The following MIDEAS variants were observed in gnomAD, a reference collection of about 807,000 sequenced individuals.
MIDEAS encodes mitotic deacetylase associated SANT domain protein.
A neutral mutation model predicts 102.7 loss-of-function variants in MIDEAS; 26 were observed. The ratio of observed to expected loss-of-function variants is 0.25; its 90% CI spans 0.19 to 0.35. MIDEAS has a LOEUF of 0.35. Ranked by LOEUF, MIDEAS falls within the 10% of genes least tolerant of loss-of-function variation. MIDEAS has a pLI of 1.00. For missense variants in MIDEAS, 1,231 were observed against 1,435.6 expected (o/e 0.86, Z 2.30); for synonymous variants, 585 against 591.0 (o/e 0.99, Z 0.15).
intron 3 of MIDEAS, among the ~76,000 whole-genome samples, chr14:73,733,272 C>T (rs2053161764): frequency 6.6e-6 from 1 of 152,018 alleles, no homozygotes; most frequent in South Asian, 2.1e-4. Flanking sequence ...AGCTTCAAAT[C>T]ATCTCATTTC....
Position 73,739,364 on chromosome 14 carries a change from T to C in MIDEAS, c.645A>G (p.Gln215=), listed in dbSNP as rs761922092. 12 of 1,596,368 alleles carry C rather than the reference T, an allele frequency of 7.5e-6. No homozygotes were observed. The highest frequency in any genetic ancestry group is 1.0e-5 in the Non-Finnish European group (12 of 1,169,844). Residue 215 remains glutamine (Q), a synonymous_variant, in exon 2 of 13, where the codon CAA becomes CAG. Transcript: ENST00000423556. ...KKPPNQSLPL[Q]PFQLAFGHQV... ...GGTGGCCGAATGCCAGCTGGAAGGG[T>C]TGCAGGGGCAGTGACTGGTTTGGGG...
chr14:73,789,429 A>T (rs1277227091), upstream of MIDEAS, among the ~76,000 whole-genome samples: 1 of 152,072 alleles, frequency 6.6e-6, no homozygotes, highest in Admixed American at 6.5e-5. Flanking sequence ...TTCAGATAAG[A>T]CCTTCAACCC....
intron 3 of MIDEAS, among the ~76,000 whole-genome samples, chr14:73,731,485 A>C (rs1021044864): frequency 6.6e-5 from 10 of 152,262 alleles, no homozygotes; most frequent in Non-Finnish European, 8.8e-5. Context: ...AAAAAAAAAA[A>C]AATGCAGGAG....
chr14:73,732,954 T>A (rs1164391898), intron 3 of MIDEAS, among the ~76,000 whole-genome samples: 2 of 148,032 alleles, frequency 1.4e-5, no homozygotes, highest in Non-Finnish European at 2.9e-5. Flanking sequence ...TAGCTGGGTG[T>A]GGTGGTGGGC....
chr14:73,738,973 A>T lies in MIDEAS; in HGVS notation c.1036T>A (p.Ser346Thr). The T allele has an allele frequency of 6.5e-7, 1 of 1,531,464 alleles. No homozygotes were observed. Among genetic ancestry groups the T allele is most frequent in the Non-Finnish European group, 8.8e-7 (1 of 1,140,780 alleles). The allele number at this position is 1,531,464 out of a possible 1,614,324, so 94.9% of individuals were successfully genotyped here. The change falls in exon 2 of 13, where the codon TCC becomes ACC. Residue 346 changes from serine (S) to threonine (T), a missense_variant. By Grantham distance (58) the Ser-to-Thr change is moderately conservative. Transcript: ENST00000423556. ...PQVQIPFPRR[S>T]RRLSKEGILP... The stretch of plus-strand genomic sequence containing the variant: ...ATACCCTCCTTAGAGAGGCGGCGGG[A>T]GCGGCGGGGGAAGGGGATCTGGACC...
At chr14:73,768,511 CT>C (rs59819061) in intron 1 of MIDEAS, among the ~76,000 whole-genome samples, 9,553 of 137,256 alleles carry the variant, frequency 0.07, 283 homozygotes, top group African/African-American at 0.18. Context: ...TTATTGCCAA[CT>C]TTTTTTTTTT....
In MIDEAS at chr14:73,729,937, G is replaced by A; in HGVS notation, c.1798C>T (p.Pro600Ser). The A allele has an allele frequency of 6.2e-7, 1 of 1,604,222 alleles. No individual in the cohort carries two copies. The highest frequency in any genetic ancestry group is 1.1e-5 in the South Asian group (1 of 90,324). The change falls in exon 4 of 13, where the codon CCA becomes TCA. Residue 600 changes from proline (P) to serine (S), a missense_variant. Physicochemically the swap from Pro to Ser is moderately conservative, Grantham distance 74 (BLOSUM62 -1). Transcript: ENST00000423556. ...KLEGEPSVRK[P>S]KQRPRPEPLI... ...GGCTCGGGCCTGGGCCGCTGCTTTG[G>A]TTTCCGCACGGAAGGCTCCCCCTCC...
intron 1 of MIDEAS, among the ~76,000 whole-genome samples, chr14:73,750,771 G>A (rs2053409619): frequency 6.6e-6 from 1 of 152,214 alleles, no homozygotes; most frequent in Admixed American, 6.5e-5. Flanking sequence ...CTCGTCCGAG[G>A]ACACACAGCC....
At position 73,722,729 on chromosome 14, in the gene MIDEAS, G is replaced by A. The variant is rs547341348; in HGVS notation, c.2693C>T (p.Ser898Leu). 2.4e-5 allele frequency: 39 copies of A among 1,614,094 alleles called. No homozygotes were observed. The highest frequency in any genetic ancestry group is 4.4e-5 in the South Asian group (4 of 91,066). The change falls in exon 10 of 13, where the codon TCG becomes TTG. Residue 898 changes from serine (S) to leucine (L), a missense_variant. Coordinates refer to ENST00000423556, the MANE Select transcript of MIDEAS (RefSeq NM_001367710.1). ...FGDVDTSDEKSAQEEVEVDIK... is the reference protein window; with the variant it reads ...FGDVDTSDEKLAQEEVEVDIK... ...ATCCACTTCAACCTCTTCCTGGGCC[G>A]ACTTCTCATCGCTCGTATCCACATC... is the stretch of plus-strand genomic sequence containing the variant.
At chr14:73,750,900 C>T (rs952072867) in intron 1 of MIDEAS, among the ~76,000 whole-genome samples, 1 of 152,270 alleles carries the variant, frequency 6.6e-6, no homozygotes, top group African/African-American at 2.4e-5. Context: ...ATCACACAAA[C>T]AAGGCTTCAT....
At position 73,742,982 on chromosome 14, in the gene MIDEAS, G is replaced by A. The variant is rs1020584938; in HGVS notation, c.-247-2727C>T. ...CATGGCCTTATAAGGCAGGAGTTGC[G>A]ATTTTAACCTCTATTTACAGGTTAG... On this transcript the variant is annotated intron_variant, in intron 1 of 12. Transcript: ENST00000423556. The surrounding 1 kb of genome is among the most constrained non-coding windows in gnomAD (Gnocchi z 4.4). 3.6e-4 allele frequency among the ~76,000 whole-genome samples: 55 copies of A among 152,126 alleles called. No homozygotes were observed. Among genetic ancestry groups the A allele is most frequent in the Non-Finnish European group, 6.3e-4 (43 of 68,030 alleles).
At chr14:73,734,173 C>T (rs9788464) in intron 3 of MIDEAS, among the ~76,000 whole-genome samples, 36,332 of 151,552 alleles carry the variant, frequency 0.24, 5,068 homozygotes, top group East Asian at 0.68. Context: ...TTAGTAGAGA[C>T]GGGGTTTCAC....
chr14:73,757,288 A>AAAAAAAAAAAAAAAAAAAAAAAC (rs1343580178), intron 1 of MIDEAS, among the ~76,000 whole-genome samples: 1 of 150,388 alleles, frequency 6.6e-6, no homozygotes, highest in Non-Finnish European at 1.5e-5. Flanking sequence ...CCAAAAAAAA[A>AAAAAAAAAAAAAAAAAAAAAAAC]AAAAAACACT....
chr14:73,754,408 G>A (rs1265620366), intron 1 of MIDEAS, among the ~76,000 whole-genome samples: 1 of 152,228 alleles, frequency 6.6e-6, no homozygotes, highest in Non-Finnish European at 1.5e-5. Context: ...GGAGCCAGCT[G>A]AGGACTGAGC....
Position 73,742,097 on chromosome 14 carries a change from G to A in MIDEAS, c.-247-1842C>T, listed in dbSNP as rs992650804. Among the ~76,000 whole-genome samples, 1 of 152,218 alleles carries A rather than the reference G, an allele frequency of 6.6e-6. No homozygotes were observed. The highest frequency in any genetic ancestry group is 1.5e-5 in the Non-Finnish European group (1 of 68,036). Reference sequence around the variant, plus strand: ...CCTGGGCACCCCCATGAAGCTGCAGGGTGGGACTGTCTGGCTCCGCCTCTC... The same window carrying A: ...CCTGGGCACCCCCATGAAGCTGCAGAGTGGGACTGTCTGGCTCCGCCTCTC... On this transcript the variant is annotated intron_variant, in intron 1 of 12. Transcript: ENST00000423556. The surrounding 1 kb of genome is among the most constrained non-coding windows in gnomAD (Gnocchi z 4.4).
At chr14:73,766,850 C>CTT (rs1310211553) in intron 1 of MIDEAS, among the ~76,000 whole-genome samples, 1 of 119,676 alleles carries the variant, frequency 8.4e-6, no homozygotes, top group African/African-American at 3.0e-5. Flanking sequence ...ACTGCCCGGC[C>CTT]ATTTTTTTTT....
intron 12 of MIDEAS, 83 bp downstream of exon 12, chr14:73,719,222 T>TCCCCCGGCC: frequency 4.0e-6 from 6 of 1,497,096 alleles, no homozygotes; most frequent in Non-Finnish European, 5.3e-6. Context: ...CTGTACCTCT[T>TCCCCCGGCC]CCCCCTCCCC....
chr14:73,732,823 G>GC (rs1312222264), intron 3 of MIDEAS, among the ~76,000 whole-genome samples: 1 of 147,070 alleles, frequency 6.8e-6, no homozygotes, highest in Non-Finnish European at 1.5e-5. Flanking sequence ...GGGTGCAGTG[G>GC]CTCACGCCTA....
chr14:73,717,317 A>G lies in MIDEAS; in HGVS notation c.*1526T>C, dbSNP rs969062717. ...AAAAATAGCTGAGCCCCGCTATGGG[A>G]CTGGAAGTGAAGGGGCCTCCAGAAC... is the stretch of plus-strand genomic sequence containing the variant. On this transcript the variant is annotated 3_prime_UTR_variant, in exon 13 of 13. Coordinates refer to ENST00000423556, the MANE Select transcript of MIDEAS (RefSeq NM_001367710.1). 1.3e-5 allele frequency: 2 copies of G among 152,248 alleles called. No individual in the cohort carries two copies. The highest frequency in any genetic ancestry group is 2.9e-5 in the Non-Finnish European group (2 of 68,046). 9.4% of individuals were successfully genotyped at this position (152,248 alleles called of 1,614,324 possible). A position where few individuals can be genotyped will look rare whatever the true frequency, so the allele number is the denominator to read the frequency against.
Sources: gnomAD v4.1 joint callset for allele counts (sites outside exome capture counted in the v4.1 genomes callset) on GRCh38, gnomAD v4.1.1 for gene constraint, Gnocchi (gnomAD v3.1) non-coding constraint, MANE v1.5 for transcripts, NCBI Gene and HGNC (gene_info 2026-07-23, HGNC 2026-07-21) for gene names.